GRIK2: variants seen among roughly 807,000 people sequenced by gnomAD.
GRIK2 encodes glutamate receptor ionotropic, kainate 2.
GRIK2 carries 32 observed loss-of-function variants against 100.3 expected under a neutral mutation model. The ratio of observed to expected loss-of-function variants is 0.32; its 90% CI spans 0.24 to 0.43. The LOEUF is 0.43. Among genes scored for constraint, GRIK2 ranks in the 20% least tolerant of loss-of-function variants. The probability of loss-of-function intolerance (pLI) is 1.00; values close to 1 mark genes in which losing one functional copy is unlikely to be tolerated. For synonymous variants in GRIK2, 417 were observed against 389.4 expected (o/e 1.07, Z -0.83); for missense variants, 843 against 1,114.9 (o/e 0.76, Z 3.47).
At chr6:101,846,775 G>A (rs375003690) in intron 10 of GRIK2, among the ~76,000 whole-genome samples, 6 of 151,878 alleles carry the variant, frequency 4.0e-5, no homozygotes, top group Admixed American at 3.9e-4. Flanking sequence ...ATTTCATTGG[G>A]GTAGTCTAAT....
At chr6:101,774,488 T>G (rs1037936212) in intron 7 of GRIK2, among the ~76,000 whole-genome samples, 1 of 152,176 alleles carries the variant, frequency 6.6e-6, no homozygotes, top group Non-Finnish European at 1.5e-5. Flanking sequence ...AGTGCATTGT[T>G]GCTAGAGAGT....
chr6:101,928,847 C>T (rs1252940753), intron 14 of GRIK2, among the ~76,000 whole-genome samples: 1 of 152,050 alleles, frequency 6.6e-6, no homozygotes, highest in African/African-American at 2.4e-5. Flanking sequence ...TTTTGCTTTA[C>T]AATATTTTGT....
intron 15 of GRIK2, among the ~76,000 whole-genome samples, chr6:102,040,793 T>C (rs1025756133): frequency 4.0e-5 from 6 of 151,622 alleles, no homozygotes; most frequent in African/African-American, 1.5e-4. Flanking sequence ...TTGCCAGCCT[T>C]CCGTTTTTCA....
intron 11 of GRIK2, among the ~76,000 whole-genome samples, chr6:101,861,255 G>A (rs1784717960): frequency 6.6e-6 from 1 of 152,148 alleles, no homozygotes; most frequent in African/African-American, 2.4e-5. Context: ...CAAACTTAGT[G>A]TCTTCTTACT....
At chr6:101,726,141 T>C (rs1774849201) in intron 7 of GRIK2, among the ~76,000 whole-genome samples, 2 of 152,008 alleles carry the variant, frequency 1.3e-5, no homozygotes, top group Non-Finnish European at 2.9e-5. Flanking sequence ...TGTAATTTTC[T>C]CTTTATAGGA....
chr6:101,643,742 T>A (rs1166014048), intron 4 of GRIK2, among the ~76,000 whole-genome samples: 2 of 151,654 alleles, frequency 1.3e-5, no homozygotes, highest in Non-Finnish European at 3.0e-5. Context: ...TTTAGCTGAG[T>A]TTTTCTGTTT....
In GRIK2 at chr6:102,024,862, CTTAA is replaced by C. The variant is rs529626571; in HGVS notation, c.2086-10474_2086-10471del. The stretch of plus-strand genomic sequence containing the variant: ...AAAAATAAGTACAAGTCTAGTTATT[CTTAA>C]TTAAACTGATTTGATCATTACAAAT... On this transcript the variant is annotated intron_variant, in intron 14 of 16. Coordinates refer to ENST00000369134, the MANE Select transcript of GRIK2 (RefSeq NM_021956.5). Among the ~76,000 whole-genome samples the C allele has an allele frequency of 6.5e-4, 98 of 150,182 alleles. 1 individual carries two copies. The highest frequency in any genetic ancestry group is 2.2e-3 in the African/African-American group (89 of 41,184).
chr6:101,601,449 G>A (rs749027878), intron 2 of GRIK2, among the ~76,000 whole-genome samples: 4 of 151,774 alleles, frequency 2.6e-5, no homozygotes, highest in Non-Finnish European at 4.4e-5. Context: ...CTGGCTTCAC[G>A]GAATAAGTTA....
At chr6:101,480,594 CAAAG>C (rs1772476450) in intron 2 of GRIK2, among the ~76,000 whole-genome samples, 1 of 152,226 alleles carries the variant, frequency 6.6e-6, no homozygotes, top group East Asian at 1.9e-4. Context: ...ATCTCCCAGA[CAAAG>C]AAAATTTCCT....
intron 2 of GRIK2, among the ~76,000 whole-genome samples, chr6:101,468,231 C>G (rs546882195): frequency 1.3e-5 from 2 of 152,144 alleles, no homozygotes; most frequent in South Asian, 4.1e-4. Context: ...TAGTGGTAGC[C>G]AAAAAATCAT....
At chr6:101,652,382 C>T (rs1781842233) in intron 4 of GRIK2, among the ~76,000 whole-genome samples, 1 of 152,070 alleles carries the variant, frequency 6.6e-6, no homozygotes, top group Admixed American at 6.6e-5. Context: ...AGAAGATTCT[C>T]AATAGAACCT....
chr6:101,662,699 C>T (rs1483547343), intron 4 of GRIK2, among the ~76,000 whole-genome samples: 2 of 152,062 alleles, frequency 1.3e-5, no homozygotes, highest in African/African-American at 4.8e-5. Flanking sequence ...TCCTTGTCCA[C>T]TTGCTAAATG....
At position 101,512,006 on chromosome 6, in the gene GRIK2, C is replaced by G. The variant is rs190804824; in HGVS notation, c.116-109943C>G. Among the ~76,000 whole-genome samples, 486 of 151,718 alleles carry G rather than the reference C, an allele frequency of 3.2e-3. 3 individuals carry two copies. Among genetic ancestry groups the G allele is most frequent in the Non-Finnish European group, 5.8e-3 (395 of 67,820 alleles). ...CAGAAGTATCATTTATACAAATATT[C>G]TTCTAAAAGCTTTATCACTGAATAC... is the stretch of plus-strand genomic sequence containing the variant. On this transcript the variant is annotated intron_variant, in intron 2 of 16. Transcript: ENST00000369134.
chr6:101,626,505 C>G lies in GRIK2; in HGVS notation c.409C>G (p.Gln137Glu). Reference protein sequence around the residue: ...VPHIQTRWKHQVSDNKDSFYV... With the variant: ...VPHIQTRWKHEVSDNKDSFYV... Reference sequence around the variant, plus strand: ...CCACATACAGACCCGCTGGAAGCACCAGGTGTCAGACAACAAAGATTCCTT... The same window carrying G: ...CCACATACAGACCCGCTGGAAGCACGAGGTGTCAGACAACAAAGATTCCTT... The change falls in exon 4 of 17, where the codon CAG becomes GAG. Residue 137 changes from glutamine (Q) to glutamate (E), a missense_variant. This residue lies in a region of GRIK2 where 519 missense variants were observed against 643.8 expected (regional missense o/e 0.81). Coordinates refer to ENST00000369134, the MANE Select transcript of GRIK2 (RefSeq NM_021956.5). 2 of 1,613,976 alleles carry G rather than the reference C, an allele frequency of 1.2e-6. No homozygotes were observed. Among genetic ancestry groups the G allele is most frequent in the Non-Finnish European group, 1.7e-6 (2 of 1,179,926 alleles).
At chr6:101,564,172 G>A (rs1777148389) in intron 2 of GRIK2, among the ~76,000 whole-genome samples, 1 of 152,070 alleles carries the variant, frequency 6.6e-6, no homozygotes, top group South Asian at 2.1e-4. Context: ...CTAGTGTTCT[G>A]CTTCATGTGT....
intron 11 of GRIK2, among the ~76,000 whole-genome samples, chr6:101,863,618 A>G (rs924557704): frequency 2.6e-5 from 4 of 152,134 alleles, no homozygotes; most frequent in African/African-American, 9.7e-5. Flanking sequence ...CTGCTGGTGA[A>G]TCTCTGACCT....
chr6:101,635,756 A>G (rs1780975374), intron 4 of GRIK2, among the ~76,000 whole-genome samples: 1 of 152,230 alleles, frequency 6.6e-6, no homozygotes, highest in Admixed American at 6.5e-5. Context: ...AAAAAAGCTC[A>G]TCATCACTGG....
At chr6:101,809,001 G>A (rs73761433) in intron 9 of GRIK2, among the ~76,000 whole-genome samples, 164 of 151,106 alleles carry the variant, frequency 1.1e-3, no homozygotes, top group African/African-American at 3.7e-3. Flanking sequence ...AAAATAATTT[G>A]TAAATGTCTT....
At chr6:101,702,195 T>A (rs571544158) in intron 7 of GRIK2, among the ~76,000 whole-genome samples, 2 of 152,080 alleles carry the variant, frequency 1.3e-5, no homozygotes, top group South Asian at 4.1e-4. Flanking sequence ...ATGAAAAAAA[T>A]TGATAAAGGT....
Sources: allele counts gnomAD v4.1 joint callset (sites outside exome capture counted in the v4.1 genomes callset), GRCh38; gene constraint gnomAD v4.1.1; regional missense constraint gnomAD v4.1.1; transcripts MANE v1.5; gene names NCBI Gene and HGNC (gene_info 2026-07-23, HGNC 2026-07-21).